Variants in SETD5 observed in about 807,000 individuals in gnomAD.
The protein encoded by SETD5 is histone-lysine N-methyltransferase SETD5.
A neutral mutation model predicts 153.3 loss-of-function variants in SETD5; 44 were observed. That is an observed-to-expected ratio of 0.29 (90% confidence interval 0.23 to 0.37). The LOEUF (loss-of-function observed/expected upper bound fraction) is 0.37. Ranked by LOEUF, SETD5 falls within the 10% of genes least tolerant of loss-of-function variation. SETD5 has a pLI of 1.00. For synonymous variants in SETD5, 716 were observed against 645.2 expected (o/e 1.11, Z -1.66); for missense variants, 1,544 against 1,768.0 (o/e 0.87, Z 2.27).
chr3:9,449,838 G>C (rs1172945151), intron 16 of SETD5, among the ~76,000 whole-genome samples: 1 of 152,098 alleles, frequency 6.6e-6, no homozygotes, highest in African/African-American at 2.4e-5. Context: ...GTTTGTTCGG[G>C]GAAACGCTCG....
At position 9,443,292 on chromosome 3, in the gene SETD5, A is replaced by G. The variant is rs1575438454; in HGVS notation, c.1078-16A>G. On this transcript the variant is annotated splice_polypyrimidine_tract_variant and intron_variant, in intron 10 of 22. Transcript: ENST00000402198. The stretch of plus-strand genomic sequence containing the variant: ...TGGTCTTTATGAAAAATCCAACCAG[A>G]AGCCTTTTCACACAGGTGCGACACA... 3.2e-6 allele frequency: 5 copies of G among 1,542,238 alleles called. No individual in the cohort carries two copies. Among genetic ancestry groups the G allele is most frequent in the Non-Finnish European group, 3.5e-6 (4 of 1,140,178 alleles).
At chr3:9,412,594 G>A (rs1488183363) in intron 1 of SETD5, among the ~76,000 whole-genome samples, 2 of 151,596 alleles carry the variant, frequency 1.3e-5, no homozygotes, top group Non-Finnish European at 2.9e-5. Context: ...TCTTGTACAG[G>A]TGGGGGTCTC....
At position 9,434,368 on chromosome 3, in the gene SETD5, C is replaced by T. The variant is rs766150279; in HGVS notation, c.212C>T (p.Pro71Leu). The change falls in exon 5 of 23, where the codon CCG (proline) becomes CTG (leucine). Residue 71 changes from proline to leucine, a missense_variant. Physicochemically the swap from Pro to Leu is moderately conservative, Grantham distance 98 (BLOSUM62 -3). Coordinates refer to ENST00000402198, the MANE Select transcript of SETD5 (RefSeq NM_001080517.3). This position sits in a 1 kb window ranked among gnomAD's most constrained non-coding sequence, Gnocchi z 5.6. ...IIPRSDLNGL[P>L]SPVEERCGDS... ...CCTCGTTCTGACCTGAATGGCCTGC[C>T]GTCGCCTGTAGAGGAACGCTGTGGA... is the stretch of plus-strand genomic sequence containing the variant. 8.7e-6 allele frequency: 14 copies of T among 1,613,726 alleles called. 1 individual carries two copies. The highest frequency in any genetic ancestry group is 4.4e-5 in the South Asian group (4 of 91,076).
At chr3:9,433,628 T>A (rs749936912) in intron 3 of SETD5, 1 of 1,019,026 alleles carries the variant, frequency 9.8e-7, no homozygotes, top group East Asian at 4.1e-5. Flanking sequence ...CATCTGCCTG[T>A]ACTGGCTTCA....
chr3:9,474,342 G>T, intron 20 of SETD5, 107 bp from the exon 21 acceptor site: 1 of 1,298,480 alleles, frequency 7.7e-7, no homozygotes, highest in Non-Finnish European at 1.0e-6. Context: ...TCTGAAGAAA[G>T]TAATGTTTAA....
intron 9 of SETD5, 114 bp downstream of exon 9, chr3:9,441,855 A>G: frequency 7.7e-7 from 1 of 1,294,112 alleles, no homozygotes. Flanking sequence ...ATCACAACTC[A>G]GATAAGCTCA....
rs992426166 is a variant in SETD5, at chr3:9,477,754, C to T, written c.*1663C>T. ...TTCTTTTTGTTGTTTCCCCCACAAA[C>T]CCATCAGTCTGGGAGAGCATTGGGA... is the stretch of plus-strand genomic sequence containing the variant. On this transcript the variant is annotated 3_prime_UTR_variant, in exon 23 of 23. Transcript: ENST00000402198. The T allele has an allele frequency of 6.6e-6, 1 of 151,674 alleles. No homozygotes were observed. Among genetic ancestry groups the T allele is most frequent in the African/African-American group, 2.4e-5 (1 of 41,052 alleles). The allele number at this position is 151,674 out of a possible 1,614,324, so 9.4% of individuals were successfully genotyped here.
intron 1 of SETD5, among the ~76,000 whole-genome samples, chr3:9,412,037 T>C (rs1057508822): frequency 6.6e-6 from 1 of 152,150 alleles, no homozygotes; most frequent in Admixed American, 6.5e-5. Context: ...TTGTATTATT[T>C]GTTGTGGCTT....
At chr3:9,399,630 A>T (rs2034419849) in intron 1 of SETD5, among the ~76,000 whole-genome samples, 1 of 152,186 alleles carries the variant, frequency 6.6e-6, no homozygotes, top group Admixed American at 6.5e-5. Context: ...ATTAGATTGT[A>T]GAGTGCTTGG....
rs368632604 is a variant in SETD5 at position 9,397,651 on chromosome 3, TGCCGCCGCC to T, written c.-476_-468del. ...CGCTCGGGCAGCGGGCTGAGTGAGC[TGCCGCCGCC>T]GCCGCCGCCGCCGCCGCCGCCGCCG... On this transcript the variant is annotated 5_prime_UTR_variant, in exon 1 of 23. Coordinates refer to ENST00000402198, the MANE Select transcript of SETD5 (RefSeq NM_001080517.3). 1,702 of 172,288 alleles carry T rather than the reference TGCCGCCGCC, an allele frequency of 9.9e-3. 13 individuals are homozygous for T. Among genetic ancestry groups the T allele is most frequent in the African/African-American group, 0.012 (504 of 40,694 alleles). 10.7% of individuals were successfully genotyped at this position (172,288 alleles called of 1,614,324 possible).
Position 9,402,930 on chromosome 3 carries a change from C to G in SETD5, c.-177+4953C>G, listed in dbSNP as rs561453121. Reference sequence around the variant, plus strand: ...AAGTAGAAAAGGAAGATTTTTGTTTCAAATTGCCAGCTGCTTATGTCAGAC... The same window carrying G: ...AAGTAGAAAAGGAAGATTTTTGTTTGAAATTGCCAGCTGCTTATGTCAGAC... On this transcript the variant is annotated intron_variant, in intron 1 of 22. Transcript: ENST00000402198. Among the ~76,000 whole-genome samples the G allele has an allele frequency of 2.6e-5, 4 of 152,230 alleles. No homozygotes were observed. The East Asian group carries it at 7.7e-4, about 29-fold the overall frequency.
rs186641669 is a variant in SETD5 at position 9,451,298 on chromosome 3, A to G, written c.2347-2441A>G. Among the ~76,000 whole-genome samples, 70 of 152,358 alleles carry G rather than the reference A, an allele frequency of 4.6e-4. 1 individual carries two copies. The highest frequency in any genetic ancestry group is 1.6e-3 in the African/African-American group (66 of 41,594). On this transcript the variant is annotated intron_variant, in intron 16 of 22. Coordinates refer to ENST00000402198, the MANE Select transcript of SETD5 (RefSeq NM_001080517.3). ...TCTGCTCAGTGTTCAGTACTGTACT[A>G]TAAGCTTTCTTCACATACATTATCT...
chr3:9,445,924 G>A (rs1481841180), intron 13 of SETD5, among the ~76,000 whole-genome samples, 184 bp downstream of exon 13: 1 of 128,398 alleles, frequency 7.8e-6, no homozygotes, highest in Non-Finnish European at 1.6e-5. Context: ...ACACACAGTA[G>A]TTTTGTAGTG....
At chr3:9,470,360 T>C in intron 18 of SETD5, 99 bp from the exon 19 acceptor site, 3 of 872,460 alleles carry the variant, frequency 3.4e-6, no homozygotes, top group South Asian at 1.6e-5. Flanking sequence ...GTCCCTCTTA[T>C]CTTTCCCTGT....
intron 1 of SETD5, among the ~76,000 whole-genome samples, chr3:9,404,208 T>G (rs1199816116): frequency 6.6e-6 from 1 of 152,238 alleles, no homozygotes; most frequent in East Asian, 1.9e-4. Flanking sequence ...AATGTTAATT[T>G]CCATTTATGG....
chr3:9,428,532 C>T (rs2039587291), intron 2 of SETD5, among the ~76,000 whole-genome samples: 1 of 152,124 alleles, frequency 6.6e-6, no homozygotes, highest in Non-Finnish European at 1.5e-5. Context: ...TTTGTTTGGG[C>T]AGTTTTAGAA....
chr3:9,441,443 C>A, intron 8 of SETD5, 150 bp from the exon 9 acceptor site: 1 of 672,508 alleles, frequency 1.5e-6, no homozygotes, highest in Non-Finnish European at 2.3e-6. Flanking sequence ...GAGCTTTCAT[C>A]ACATTTTAAA....
chr3:9,434,107 G>A lies in SETD5; in HGVS notation c.177+157G>A. On this transcript the variant is annotated intron_variant, in intron 4 of 22. Coordinates refer to ENST00000402198, the MANE Select transcript of SETD5 (RefSeq NM_001080517.3). The surrounding 1 kb of genome is among the most constrained non-coding windows in gnomAD (Gnocchi z 5.6). ...AGCGGACGTCTAGCCCTGCATCATT[G>A]TTCTTGTTTTTATGTCCCAGTTGAC... is the stretch of plus-strand genomic sequence containing the variant. 2 of 1,557,626 alleles carry A rather than the reference G, an allele frequency of 1.3e-6. No homozygotes were observed. The highest frequency in any genetic ancestry group is 1.7e-6 in the Non-Finnish European group (2 of 1,153,506).
At chr3:9,407,180 T>C (rs1366113944) in intron 1 of SETD5, among the ~76,000 whole-genome samples, 1 of 151,920 alleles carries the variant, frequency 6.6e-6, no homozygotes, top group Non-Finnish European at 1.5e-5. Context: ...ATACAAAAAT[T>C]ACCCGGGCAT....
Sources: allele counts gnomAD v4.1 joint callset (sites outside exome capture counted in the v4.1 genomes callset), GRCh38; gene constraint gnomAD v4.1.1; non-coding constraint Gnocchi (gnomAD v3.1); transcripts MANE v1.5; gene names NCBI Gene and HGNC (gene_info 2026-07-23, HGNC 2026-07-21).